The following PSAP variants were observed in gnomAD, a reference collection of about 807,000 sequenced individuals.
The protein encoded by PSAP is prosaposin.
PSAP carries 25 observed loss-of-function variants against 66.0 expected under a neutral mutation model. The observed-to-expected ratio is 0.38, with a 90% CI of 0.28 to 0.53. PSAP has a LOEUF of 0.53. Ranked by LOEUF, PSAP falls within the 20% of genes least tolerant of loss-of-function variation. The pLI is 0.83. For synonymous variants in PSAP, 273 were observed against 258.9 expected (o/e 1.05, Z -0.52); for missense variants, 649 against 668.8 (o/e 0.97, Z 0.33).
chr10:71,836,118 C>T (rs570073690), intron 1 of PSAP, among the ~76,000 whole-genome samples: 1 of 152,292 alleles, frequency 6.6e-6, no homozygotes, highest in South Asian at 2.1e-4. Flanking sequence ...TCATCTGCTG[C>T]CCAGATTATA....
chr10:71,820,539 C>T (rs531749141), intron 8 of PSAP, among the ~76,000 whole-genome samples: 1 of 151,814 alleles, frequency 6.6e-6, no homozygotes, highest in Non-Finnish European at 1.5e-5. Flanking sequence ...AATCCTCTAC[C>T]ACCCCCACCT....
chr10:71,839,091 A>C (rs948021518), intron 1 of PSAP, among the ~76,000 whole-genome samples: 2 of 152,220 alleles, frequency 1.3e-5, no homozygotes, highest in Non-Finnish European at 1.5e-5. Flanking sequence ...CTGAGGCAGT[A>C]TGCTGAACTC....
chr10:71,834,330 A>G (rs751417049), intron 2 of PSAP, 42 bp downstream of exon 2: 25 of 1,611,774 alleles, frequency 1.6e-5, no homozygotes, highest in Non-Finnish European at 1.9e-5. Flanking sequence ...AGGGGACCCA[A>G]GAGGAGTGCT....
intron 7 of PSAP, chr10:71,823,966 A>C: frequency 8.5e-7 from 1 of 1,173,566 alleles, no homozygotes; most frequent in South Asian, 1.3e-5. Context: ...AGTTAAGAAA[A>C]ATTAAAACAA....
chr10:71,819,231 A>C, intron 11 of PSAP, 120 bp from the exon 12 acceptor site: 3 of 1,087,774 alleles, frequency 2.8e-6, no homozygotes, highest in Non-Finnish European at 4.2e-6. Context: ...TTCCCAGCCC[A>C]CTGGGTCCTG....
intron 8 of PSAP, 103 bp downstream of exon 8, chr10:71,821,773 G>A: frequency 1.3e-6 from 2 of 1,508,542 alleles, no homozygotes; most frequent in South Asian, 2.3e-5. Flanking sequence ...GAGCCAGGCA[G>A]GGAACCGAAA....
At chr10:71,837,979 C>T (rs917660387) in intron 1 of PSAP, among the ~76,000 whole-genome samples, 4 of 152,186 alleles carry the variant, frequency 2.6e-5, no homozygotes. Context: ...CCCACACACC[C>T]TAAGGTGAGG....
rs755154621 is a variant in PSAP at position 71,831,277 on chromosome 10, T to C, written c.250-26A>G. ...CTACGAGAGGACACCAGGGTCAGAA[T>C]CACGATAGGCTTTCCTCCCTGGAAA... On this transcript the variant is annotated intron_variant, in intron 3 of 13. Transcript: ENST00000394936. 17 of 1,612,426 alleles carry C rather than the reference T, an allele frequency of 1.1e-5. No homozygotes were observed. In the Admixed American group the frequency reaches 1.3e-4, roughly 13 times the overall value.
chr10:71,818,802 A>G (rs936354347), intron 12 of PSAP, 78 bp from the exon 13 acceptor site: 10 of 1,273,566 alleles, frequency 7.9e-6, no homozygotes, highest in South Asian at 1.2e-5. Context: ...CTAAGAAAAC[A>G]GTTTCCAGAA....
chr10:71,830,992 A>G (rs773453244), intron 4 of PSAP, 134 bp downstream of exon 4: 2 of 1,384,462 alleles, frequency 1.4e-6, no homozygotes, highest in Non-Finnish European at 2.0e-6. Flanking sequence ...CTGGATGTCA[A>G]ATTGTAGCAA....
intron 8 of PSAP, 117 bp downstream of exon 8, chr10:71,821,759 T>G: frequency 7.1e-7 from 1 of 1,415,042 alleles, no homozygotes; most frequent in East Asian, 2.4e-5. Flanking sequence ...TCAAAGACCT[T>G]TAGGAGCCAG....
intron 2 of PSAP, among the ~76,000 whole-genome samples, chr10:71,834,103 G>C (rs1236727787): frequency 6.6e-6 from 1 of 152,200 alleles, no homozygotes; most frequent in Non-Finnish European, 1.5e-5. Context: ...GGCACCTGGA[G>C]CCGCAGGCAT....
chr10:71,831,738 A>C, intron 3 of PSAP, 108 bp downstream of exon 3: 1 of 1,112,826 alleles, frequency 9.0e-7, no homozygotes. Context: ...GACATTTGCC[A>C]CCCTCAGGCC....
chr10:71,828,847 G>T, intron 5 of PSAP, 30 bp downstream of exon 5: 2 of 1,612,420 alleles, frequency 1.2e-6, no homozygotes, highest in Admixed American at 3.3e-5. Flanking sequence ...AACCAAAAAT[G>T]GGTCCTCAGT....
rs1475281347 is a variant in PSAP at position 71,819,106 on chromosome 10, A to T, written c.1356T>A (p.Asp452Glu). The change falls in exon 12 of 14, where the codon GAT becomes GAA. Residue 452 changes from aspartate to glutamate, a missense_variant. Asp to Glu is a conservative substitution (Grantham distance 45, BLOSUM62 2). Coordinates refer to ENST00000394936, the MANE Select transcript of PSAP (RefSeq NM_002778.4). ...CGGGCTCGTACTCTGCCACAAACTG[A>T]TCACACTATAAAGGAAAGTGGGGAC... ...FLPDPYQKQC[D>E]QFVAEYEPVL... The T allele has an allele frequency of 6.2e-7, 1 of 1,613,950 alleles. No individual in the cohort carries two copies.
chr10:71,831,623 G>A (rs1029573404), intron 3 of PSAP, among the ~76,000 whole-genome samples: 1 of 152,190 alleles, frequency 6.6e-6, no homozygotes. Context: ...AGAACTCAAG[G>A]AATGGTGTTT....
chr10:71,847,471 C>T (rs1374610540), intron 1 of PSAP, among the ~76,000 whole-genome samples: 1 of 151,994 alleles, frequency 6.6e-6, no homozygotes, highest in Non-Finnish European at 1.5e-5. Context: ...TCGCTTGAAC[C>T]CGGAAGGCGG....
intron 6 of PSAP, among the ~76,000 whole-genome samples, chr10:71,826,778 G>C (rs896270412): frequency 1.3e-5 from 2 of 151,380 alleles, no homozygotes; most frequent in Non-Finnish European, 2.9e-5. Flanking sequence ...TCATCTCCTA[G>C]AGCCGGCCAC....
chr10:71,850,018 T>G (rs1842897811), intron 1 of PSAP, among the ~76,000 whole-genome samples: 1 of 152,066 alleles, frequency 6.6e-6, no homozygotes, highest in South Asian at 2.1e-4. Flanking sequence ...CGTGACTTAC[T>G]TTCCAATCTG....
Sources: allele counts gnomAD v4.1 joint callset (sites outside exome capture counted in the v4.1 genomes callset), GRCh38; gene constraint gnomAD v4.1.1; transcripts MANE v1.5; gene names NCBI Gene and HGNC (gene_info 2026-07-23, HGNC 2026-07-21).